The following PIK3R3 variants were observed in gnomAD, a reference collection of about 807,000 sequenced individuals.
PIK3R3 encodes phosphoinositide-3-kinase regulatory subunit 3, also known as phosphatidylinositol 3-kinase regulatory subunit gamma.
In PIK3R3, 64 loss-of-function variants were observed where a neutral mutation model predicts 62.9. The observed-to-expected ratio is 1.02, with a 90% confidence interval of 0.83 to 1.25. The LOEUF (loss-of-function observed/expected upper bound fraction) is 1.25. PIK3R3 is among the 50% of genes most tolerant of loss of function. The pLI is 0.00. For missense variants in PIK3R3, 614 were observed against 561.6 expected, an observed-to-expected ratio of 1.09 and a Z score of -0.94; for synonymous variants, 165 against 189.0, an observed-to-expected ratio of 0.87 and a Z score of 1.04.
At chr1:46,133,313 C>T (rs553148546), upstream of PIK3R3, among the ~76,000 whole-genome samples, 3 of 152,234 alleles carry the variant, frequency 2.0e-5, no homozygotes, top group Non-Finnish European at 4.4e-5. Flanking sequence ...AGGCGGGGCT[C>T]CTGCTGAGGC....
chr1:46,065,687 C>G (rs1188463127), intron 5 of PIK3R3, among the ~76,000 whole-genome samples: 2 of 152,178 alleles, frequency 1.3e-5, no homozygotes, highest in African/African-American at 4.8e-5. Context: ...GTTGTGATGG[C>G]TGATATTAGA....
the PIK3R3 span, among the ~76,000 whole-genome samples, chr1:46,173,668 G>C: frequency 6.6e-6 from 1 of 152,158 alleles, no homozygotes; most frequent in Admixed American, 6.5e-5. Flanking sequence ...TGGGAGCCTA[G>C]ATGGGGAGGA....
At chr1:46,099,846 A>T (rs529398049) in intron 1 of PIK3R3, among the ~76,000 whole-genome samples, 1 of 152,246 alleles carries the variant, frequency 6.6e-6, no homozygotes, top group East Asian at 1.9e-4. Context: ...AGTATAAGAG[A>T]GTTTTCCTTA....
intron 3 of PIK3R3, among the ~76,000 whole-genome samples, chr1:46,075,718 C>T (rs949644947): frequency 6.6e-6 from 1 of 152,050 alleles, no homozygotes; most frequent in African/African-American, 2.4e-5. Context: ...AGGAGAGAGA[C>T]AAAGATAAAT....
chr1:46,049,868 C>A (rs955350613), intron 7 of PIK3R3, among the ~76,000 whole-genome samples: 3 of 151,900 alleles, frequency 2.0e-5, no homozygotes, highest in African/African-American at 7.3e-5. Flanking sequence ...GCCTGTAATC[C>A]CAGCACTTTG....
At chr1:46,113,584 G>A (rs932949395) in intron 1 of PIK3R3, among the ~76,000 whole-genome samples, 1 of 152,046 alleles carries the variant, frequency 6.6e-6, no homozygotes, top group East Asian at 1.9e-4. Context: ...GCCACCATGC[G>A]CAGGCCACGT....
At chr1:46,085,430 A>G (rs1184188115) in intron 1 of PIK3R3, among the ~76,000 whole-genome samples, 3 of 152,196 alleles carry the variant, frequency 2.0e-5, no homozygotes, top group Admixed American at 6.5e-5. Flanking sequence ...TTGTGAGTAC[A>G]CTCAAATGTA....
upstream of PIK3R3, among the ~76,000 whole-genome samples, chr1:46,137,318 ATAAT>A (rs1365734401): frequency 6.6e-6 from 1 of 152,234 alleles, no homozygotes; most frequent in Non-Finnish European, 1.5e-5. Context: ...AAAGGAATAA[ATAAT>A]TAAAGACACA....
intron 6 of PIK3R3, among the ~76,000 whole-genome samples, chr1:46,060,072 C>T (rs559034081): frequency 3.0e-4 from 46 of 152,240 alleles, no homozygotes; most frequent in South Asian, 8.3e-4. Context: ...TGCACTCCAG[C>T]GTGGGCGACA....
At chr1:46,107,056 C>T (rs765576289) in intron 1 of PIK3R3, among the ~76,000 whole-genome samples, 12 of 152,140 alleles carry the variant, frequency 7.9e-5, no homozygotes, top group Non-Finnish European at 1.5e-4. Flanking sequence ...CCACCGTGCC[C>T]GGCTGCCTTA....
At chr1:46,135,510 GC>G (rs1655896302), upstream of PIK3R3, among the ~76,000 whole-genome samples, 1 of 152,088 alleles carries the variant, frequency 6.6e-6, no homozygotes, top group Admixed American at 6.5e-5. Flanking sequence ...ACTCCAAATG[GC>G]TAGGATGCCC....
At chr1:46,101,087 G>T (rs1403825359) in intron 1 of PIK3R3, among the ~76,000 whole-genome samples, 1 of 147,740 alleles carries the variant, frequency 6.8e-6, no homozygotes, top group African/African-American at 2.5e-5. Context: ...CATGAGAATC[G>T]TCTGAACCCA....
At chr1:46,143,010 G>A in the PIK3R3 span, among the ~76,000 whole-genome samples, 4 of 152,192 alleles carry the variant, frequency 2.6e-5, no homozygotes, top group African/African-American at 9.7e-5. Context: ...GTAGATTTGT[G>A]TAGATGTGAG....
At chr1:46,133,066 T>C (rs1472434234), upstream of PIK3R3, 3 of 1,008,002 alleles carry the variant, frequency 3.0e-6, no homozygotes, top group East Asian at 1.1e-4. Context: ...GTCTTTTGTC[T>C]GCCTTGCTCC....
intron 1 of PIK3R3, among the ~76,000 whole-genome samples, chr1:46,093,386 T>A (rs1291415226): frequency 6.6e-6 from 1 of 152,196 alleles, no homozygotes; most frequent in Non-Finnish European, 1.5e-5. Context: ...TGTAAGGGAT[T>A]TGCAATGCCC....
chr1:46,117,817 C>T (rs1285421200), intron 1 of PIK3R3, among the ~76,000 whole-genome samples: 1 of 151,888 alleles, frequency 6.6e-6, no homozygotes, highest in Non-Finnish European at 1.5e-5. Context: ...GGCCTGTAAC[C>T]CCAGCACTTG....
the PIK3R3 span, among the ~76,000 whole-genome samples, chr1:46,166,327 G>A: frequency 2.0e-5 from 3 of 151,618 alleles, no homozygotes; most frequent in South Asian, 4.2e-4. Context: ...AGGTTCAAGC[G>A]ACTCTTGTGC....
chr1:46,138,534 C>T, the PIK3R3 span, among the ~76,000 whole-genome samples: 1 of 152,150 alleles, frequency 6.6e-6, no homozygotes, highest in Non-Finnish European at 1.5e-5. Context: ...GTGGTGTGCT[C>T]CTGTAGTCCC....
In PIK3R3 at chr1:46,042,593, C is replaced by G. The variant is rs1042616267; in HGVS notation, c.*1080G>C. ...GAGGGGGAAATGAAGGGAAATTAAACCATGTTTACTATTTCTGCAGGGCCT... is the reference window on the plus strand; with the variant it reads ...GAGGGGGAAATGAAGGGAAATTAAAGCATGTTTACTATTTCTGCAGGGCCT... On this transcript the variant is annotated 3_prime_UTR_variant, in exon 10 of 10. Coordinates refer to ENST00000262741, the MANE Select transcript of PIK3R3 (RefSeq NM_003629.4). This position sits in a 1 kb window ranked among gnomAD's most constrained non-coding sequence, Gnocchi z 4.3. 2.3e-5 allele frequency: 5 copies of G among 220,848 alleles called. No homozygotes were observed. The highest frequency in any genetic ancestry group is 4.5e-5 in the Non-Finnish European group (5 of 110,222). 13.7% of individuals were successfully genotyped at this position (220,848 alleles called of 1,614,324 possible).
Sources: allele counts gnomAD v4.1 joint callset (sites outside exome capture counted in the v4.1 genomes callset), GRCh38; gene constraint gnomAD v4.1.1; non-coding constraint Gnocchi (gnomAD v3.1); transcripts MANE v1.5; gene names NCBI Gene and HGNC (gene_info 2026-07-23, HGNC 2026-07-21).